Variants in NXN observed in about 807,000 individuals in gnomAD.
NXN encodes the protein nucleoredoxin, also known as nucleoredoxin 1.
In NXN, 16 loss-of-function variants were observed where a neutral mutation model predicts 48.6. That is an observed-to-expected ratio of 0.33 (90% CI 0.22 to 0.50). The LOEUF (loss-of-function observed/expected upper bound fraction) is 0.50. Among genes scored for constraint, NXN ranks in the 20% least tolerant of loss-of-function variants. NXN has a pLI of 0.98. For missense variants in NXN, 492 were observed against 605.5 expected, an observed-to-expected ratio of 0.81 and a Z score of 1.97; for synonymous variants, 281 against 269.6, an observed-to-expected ratio of 1.04 and a Z score of -0.41.
intron 1 of NXN, among the ~76,000 whole-genome samples, chr17:851,436 G>A (rs2067922658): frequency 6.6e-6 from 1 of 152,258 alleles, no homozygotes; most frequent in Admixed American, 6.5e-5. Flanking sequence ...TGAATCTGAG[G>A]TCACTGTGTC....
At chr17:810,178 T>C (rs1302356918) in intron 5 of NXN, among the ~76,000 whole-genome samples, 46 of 82,606 alleles carry the variant, frequency 5.6e-4, no homozygotes, top group South Asian at 8.9e-4. Flanking sequence ...AGTCTGTGAC[T>C]GGCGTGCATG....
intron 1 of NXN, chr17:907,902 T>C (rs8069566): frequency 0.54 from 82,531 of 151,768 alleles, 22,855 homozygotes; most frequent in Admixed American, 0.66. Context: ...AAAGTGGACA[T>C]TCGGTGGCCC....
chr17:817,302 ATAT>A (rs954716282), intron 5 of NXN, among the ~76,000 whole-genome samples: 1 of 152,186 alleles, frequency 6.6e-6, no homozygotes, highest in Non-Finnish European at 1.5e-5. Flanking sequence ...CTAAAATTAA[ATAT>A]TATTTTTTTT....
chr17:969,983 G>A (rs924950534), intron 1 of NXN, among the ~76,000 whole-genome samples: 1 of 152,182 alleles, frequency 6.6e-6, no homozygotes, highest in Non-Finnish European at 1.5e-5. Flanking sequence ...TGGGGAGCAG[G>A]GGGAGAGGCT....
intron 1 of NXN, chr17:933,301 G>A (rs8081951): frequency 0.15 from 23,439 of 152,164 alleles, 2,200 homozygotes; most frequent in South Asian, 0.27. Context: ...AATCTGATTA[G>A]TAAAAAGATA....
chr17:975,216 G>A (rs1052660251), intron 1 of NXN, among the ~76,000 whole-genome samples: 1 of 152,240 alleles, frequency 6.6e-6, no homozygotes, highest in African/African-American at 2.4e-5. Context: ...TGGCTGGTCC[G>A]GGCTTCTTAT....
At position 803,702 on chromosome 17, in the gene NXN, G is replaced by A; in HGVS notation, c.1105C>T (p.Leu369=). Residue 369 remains leucine, a synonymous_variant, in exon 7 of 8, where the codon CTG becomes TTG. Transcript: ENST00000336868. ...YKAKEEEAPL[L]FFVAGEDDMT... ...CTCACCTCCCCGGCTACGAAGAACA[G>A]AAGGGGTGCCTCCTCCTCTTTGGCT... The A allele has an allele frequency of 6.2e-7, 1 of 1,614,242 alleles. No individual in the cohort carries two copies. The highest frequency in any genetic ancestry group is 1.1e-5 in the South Asian group (1 of 91,086).
At chr17:810,768 A>C (rs1191684048) in intron 5 of NXN, among the ~76,000 whole-genome samples, 1 of 152,052 alleles carries the variant, frequency 6.6e-6, no homozygotes, top group Non-Finnish European at 1.5e-5. Context: ...GCACCCCTGT[A>C]CTCCCAGCTA....
intron 1 of NXN, among the ~76,000 whole-genome samples, chr17:856,982 G>A (rs73291522): frequency 0.019 from 2,957 of 152,132 alleles, 107 homozygotes; most frequent in African/African-American, 0.068. Context: ...CCCAGTTCCA[G>A]AGCTACTCCC....
chr17:876,803 G>A (rs1032271395), intron 1 of NXN, among the ~76,000 whole-genome samples: 1 of 152,084 alleles, frequency 6.6e-6, no homozygotes, highest in Admixed American at 6.6e-5. Context: ...CAGCACTTTG[G>A]GAGGCTGCGG....
At chr17:900,899 G>C (rs1437179110) in intron 1 of NXN, among the ~76,000 whole-genome samples, 1 of 141,270 alleles carries the variant, frequency 7.1e-6, no homozygotes, top group Non-Finnish European at 1.5e-5. Context: ...TTTATGAAAA[G>C]ATAGATCTGC....
chr17:931,175 G>A (rs990264597), intron 1 of NXN, among the ~76,000 whole-genome samples: 1 of 151,600 alleles, frequency 6.6e-6, no homozygotes, highest in Non-Finnish European at 1.5e-5. Flanking sequence ...TAGGCCCAAC[G>A]ACACAGGAGG....
At position 815,146 on chromosome 17, in the gene NXN, C is replaced by T. The variant is rs572002203; in HGVS notation, c.820+4293G>A. Among the ~76,000 whole-genome samples, 5 of 152,306 alleles carry T rather than the reference C, an allele frequency of 3.3e-5. No individual in the cohort carries two copies. In the East Asian group the frequency reaches 9.6e-4, roughly 29 times the overall value. On this transcript the variant is annotated intron_variant, in intron 5 of 7. Transcript: ENST00000336868. ...GGTTCATAATGAAATTCAAAGTATA[C>T]AAAAGATAAAAACAAAAGCCTGCCA... is the stretch of plus-strand genomic sequence containing the variant.
At chr17:888,715 G>A (rs964318323) in intron 1 of NXN, among the ~76,000 whole-genome samples, 5 of 151,854 alleles carry the variant, frequency 3.3e-5, no homozygotes, top group Non-Finnish European at 5.9e-5. Flanking sequence ...AGCACTTTGG[G>A]AGGCCAGGGC....
chr17:948,601 G>T (rs116979662), intron 1 of NXN, among the ~76,000 whole-genome samples: 1 of 151,938 alleles, frequency 6.6e-6, no homozygotes, highest in African/African-American at 2.4e-5. Context: ...AAAAGCTCCC[G>T]GGCGACTGAA....
chr17:974,953 A>C (rs1349960259), intron 1 of NXN, among the ~76,000 whole-genome samples: 2 of 151,928 alleles, frequency 1.3e-5, no homozygotes, highest in Admixed American at 1.3e-4. Context: ...CAGCCTCCCG[A>C]GTAGCTGGGA....
At chr17:979,165 C>A (rs1273683488) in intron 1 of NXN, among the ~76,000 whole-genome samples, 154 bp downstream of exon 1, 2 of 69,266 alleles carry the variant, frequency 2.9e-5, no homozygotes, top group East Asian at 1.2e-3. Context: ...GACAGTGGGT[C>A]GGGGGGCGGG....
At chr17:805,021 C>A in intron 6 of NXN, 47 bp downstream of exon 6, 26 of 1,484,832 alleles carry the variant, frequency 1.8e-5, no homozygotes, top group East Asian at 2.5e-5. Context: ...CCCCTCCTGT[C>A]CCGCCCCCCA....
rs1180669466 is a variant in NXN, at chr17:958,274, A to G, written c.360+21045T>C. 2.0e-5 allele frequency among the ~76,000 whole-genome samples: 3 copies of G among 152,100 alleles called. No individual in the cohort carries two copies. The highest frequency in any genetic ancestry group is 1.9e-4 in the East Asian group (1 of 5,184). ...CGGTGCCTCTGCCCAACAAGACATG[A>G]CGGTGAGCAAGGTTACTCATCTTCC... is the stretch of plus-strand genomic sequence containing the variant. On this transcript the variant is annotated intron_variant, in intron 1 of 7. Transcript: ENST00000336868. The surrounding 1 kb of genome is among the most constrained non-coding windows in gnomAD (Gnocchi z 6.9).
Sources: allele counts gnomAD v4.1 joint callset (sites outside exome capture counted in the v4.1 genomes callset), GRCh38; gene constraint gnomAD v4.1.1; non-coding constraint Gnocchi (gnomAD v3.1); transcripts MANE v1.5; gene names NCBI Gene and HGNC (gene_info 2026-07-23, HGNC 2026-07-21).